Variants in AGAP1 observed in about 807,000 individuals in gnomAD.
The protein encoded by AGAP1 is ArfGAP with GTPase domain, ankyrin repeat and PH domain 1.
Under a neutral mutation model 105.3 loss-of-function variants are expected in AGAP1, and 29 were observed. The observed-to-expected ratio is 0.28, with a 90% CI of 0.21 to 0.38. The LOEUF is 0.38. Among genes scored for constraint, AGAP1 ranks in the 10% least tolerant of loss-of-function variants. The probability of loss-of-function intolerance (pLI) is 1.00; values close to 1 mark genes in which losing one functional copy is unlikely to be tolerated. For synonymous variants in AGAP1, 509 were observed against 485.9 expected (o/e 1.05, Z -0.63); for missense variants, 998 against 1,165.1 (o/e 0.86, Z 2.09).
chr2:235,775,850 T>C (rs901392739), intron 6 of AGAP1: 3 of 151,790 alleles, frequency 2.0e-5, no homozygotes, highest in Admixed American at 6.6e-5. Context: ...ATTTCTGATA[T>C]AAGTTTTCAA....
Position 235,692,393 on chromosome 2 carries a change from A to AGCCTAATCT in AGAP1, c.164-16784_164-16776dup, listed in dbSNP as rs1949776435. On this transcript the variant is annotated intron_variant, in intron 1 of 17. Coordinates refer to ENST00000304032, the MANE Select transcript of AGAP1 (RefSeq NM_001037131.3). This position sits in a 1 kb window ranked among gnomAD's most constrained non-coding sequence, Gnocchi z 5.8. The stretch of plus-strand genomic sequence containing the variant: ...TGCCTGCACTGCCAGGTGCACATCG[A>AGCCTAATCT]GCCTAATCTGGCTTAGGAAACAGGA... 6.6e-6 allele frequency among the ~76,000 whole-genome samples: 1 copy of AGCCTAATCT among 152,066 alleles called. No homozygotes were observed. Among genetic ancestry groups the AGCCTAATCT allele is most frequent in the South Asian group, 2.1e-4 (1 of 4,816 alleles).
At position 235,727,359 on chromosome 2, in the gene AGAP1, T is replaced by C. The variant is rs557811949; in HGVS notation, c.310+9715T>C. On this transcript the variant is annotated intron_variant, in intron 3 of 17. Coordinates refer to ENST00000304032, the MANE Select transcript of AGAP1 (RefSeq NM_001037131.3). ...GTGGGGCTGGGGGGAGGGGGTGTTG[T>C]GCAATGCAGTTCTCTTTCCTAATTC... Among the ~76,000 whole-genome samples, 225 of 152,174 alleles carry C rather than the reference T, an allele frequency of 1.5e-3. 1 individual carries two copies. The highest frequency in any genetic ancestry group is 4.8e-3 in the African/African-American group (198 of 41,512).
chr2:235,567,421 C>T (rs938671618), intron 1 of AGAP1, among the ~76,000 whole-genome samples: 2 of 152,194 alleles, frequency 1.3e-5, no homozygotes, highest in African/African-American at 4.8e-5. Flanking sequence ...AGCTTGAGCA[C>T]CTGCCTGGTC....
intron 1 of AGAP1, among the ~76,000 whole-genome samples, chr2:235,532,242 A>G (rs544628644): frequency 9.2e-5 from 14 of 152,300 alleles, no homozygotes; most frequent in African/African-American, 3.4e-4. Flanking sequence ...TTTCTAAGAC[A>G]AAGTCTCTCT....
intron 1 of AGAP1, chr2:235,670,951 G>A: frequency 7.6e-7 from 1 of 1,317,158 alleles, no homozygotes; most frequent in South Asian, 2.2e-5. Flanking sequence ...GCGGGCCCTC[G>A]CCACGGAGCG....
chr2:235,841,698 T>G (rs1473890594), intron 9 of AGAP1, among the ~76,000 whole-genome samples: 1 of 152,186 alleles, frequency 6.6e-6, no homozygotes, highest in Non-Finnish European at 1.5e-5. Context: ...TGTCAAACAC[T>G]TCGTACATGT....
intron 12 of AGAP1, among the ~76,000 whole-genome samples, chr2:235,943,362 A>ATTTTT (rs562379887): frequency 0.029 from 3,713 of 126,994 alleles, 180 homozygotes; most frequent in African/African-American, 0.067. Flanking sequence ...AAAGGACTTA[A>ATTTTT]TTTTTTTTTT....
chr2:235,993,480 C>A lies in AGAP1; in HGVS notation c.1645+24857C>A, dbSNP rs1317389766. On this transcript the variant is annotated intron_variant, in intron 13 of 17. Transcript: ENST00000304032. The surrounding 1 kb of genome is among the most constrained non-coding windows in gnomAD (Gnocchi z 5.0). ...TTCTCAAAGTGGAAGACAGGGAGCACCTCTGCAGGCCTATAGGGAGGTAGT... is the reference window on the plus strand; with the variant it reads ...TTCTCAAAGTGGAAGACAGGGAGCAACTCTGCAGGCCTATAGGGAGGTAGT... Among the ~76,000 whole-genome samples, 1 of 152,186 alleles carries A rather than the reference C, an allele frequency of 6.6e-6. No homozygotes were observed. The highest frequency in any genetic ancestry group is 1.5e-5 in the Non-Finnish European group (1 of 68,042).
In AGAP1 at chr2:236,089,094, G is replaced by A. The variant is rs1024298838; in HGVS notation, c.2115-31098G>A. ...AGAAAAAGTGGGATGCCACAGTTGC[G>A]GCAGAGAATATCCAAAAGGAAAGGG... On this transcript the variant is annotated intron_variant, in intron 16 of 17. Coordinates refer to ENST00000304032, the MANE Select transcript of AGAP1 (RefSeq NM_001037131.3). The surrounding 1 kb of genome is among the most constrained non-coding windows in gnomAD (Gnocchi z 5.6). Among the ~76,000 whole-genome samples, 11 of 152,274 alleles carry A rather than the reference G, an allele frequency of 7.2e-5. No individual in the cohort carries two copies. The highest frequency in any genetic ancestry group is 3.4e-3 in the Middle Eastern group (1 of 294).
chr2:235,805,721 T>C (rs1257766783), intron 8 of AGAP1, among the ~76,000 whole-genome samples: 1 of 152,188 alleles, frequency 6.6e-6, no homozygotes, highest in African/African-American at 2.4e-5. Flanking sequence ...AATGAGCCCT[T>C]GACAAAGAAT....
At chr2:235,815,350 G>A (rs13410875) in intron 9 of AGAP1, among the ~76,000 whole-genome samples, 1,536 of 152,302 alleles carry the variant, frequency 0.01, 25 homozygotes, top group African/African-American at 0.035. Flanking sequence ...GTGTCCTCCC[G>A]TGGCCTGGAC....
At chr2:235,544,672 C>T (rs1175136778) in intron 1 of AGAP1, among the ~76,000 whole-genome samples, 1 of 152,224 alleles carries the variant, frequency 6.6e-6, no homozygotes, top group Non-Finnish European at 1.5e-5. Context: ...CTGGGTACCC[C>T]TGCTGGATTG....
chr2:235,503,107 C>T (rs1941636142), intron 1 of AGAP1, among the ~76,000 whole-genome samples: 2 of 152,196 alleles, frequency 1.3e-5, no homozygotes, highest in African/African-American at 4.8e-5. Flanking sequence ...TTAAATGTCA[C>T]CTTGGGGGCA....
Position 235,883,974 on chromosome 2 carries a change from A to G in AGAP1, c.1155+525A>G, listed in dbSNP as rs1184169433. On this transcript the variant is annotated intron_variant, in intron 10 of 17. Transcript: ENST00000304032. The surrounding 1 kb of genome is among the most constrained non-coding windows in gnomAD (Gnocchi z 4.5). ...TTTATGTTACATATAAGTTTGTTAT[A>G]TCCGTGGTGTATAAGATAGATGTAT... Among the ~76,000 whole-genome samples, 1 of 152,212 alleles carries G rather than the reference A, an allele frequency of 6.6e-6. No individual in the cohort carries two copies. Among genetic ancestry groups the G allele is most frequent in the African/African-American group, 2.4e-5 (1 of 41,466 alleles).
chr2:236,115,464 G>A (rs1323580830), intron 16 of AGAP1, among the ~76,000 whole-genome samples: 1 of 152,222 alleles, frequency 6.6e-6, no homozygotes, highest in African/African-American at 2.4e-5. Flanking sequence ...CTTAGTGTTG[G>A]TGGGGAGATT....
chr2:236,091,044 G>A (rs1307160603), intron 16 of AGAP1, among the ~76,000 whole-genome samples: 2 of 152,206 alleles, frequency 1.3e-5, no homozygotes, highest in Non-Finnish European at 1.5e-5. Context: ...GGCCGTAATC[G>A]TTCCTGGTAA....
At chr2:236,084,395 G>A (rs1551250) in intron 16 of AGAP1, among the ~76,000 whole-genome samples, 35,068 of 152,034 alleles carry the variant, frequency 0.23, 4,386 homozygotes, top group South Asian at 0.32. Context: ...CCTGACATTC[G>A]TACTCTACTT....
rs559057982 is a variant in AGAP1, at chr2:236,053,127, G to A, written c.2114+3846G>A. 6.6e-6 allele frequency among the ~76,000 whole-genome samples: 1 copy of A among 152,346 alleles called. No individual in the cohort carries two copies. Among genetic ancestry groups the A allele is most frequent in the African/African-American group, 2.4e-5 (1 of 41,588 alleles). On this transcript the variant is annotated intron_variant, in intron 16 of 17. Coordinates refer to ENST00000304032, the MANE Select transcript of AGAP1 (RefSeq NM_001037131.3). The surrounding 1 kb of genome is among the most constrained non-coding windows in gnomAD (Gnocchi z 4.6). ...GGCCACCAGCCAGGCGGGGCTCTGG[G>A]TTCCAGTGTTAGAGGTACATGGTGT...
chr2:235,613,313 C>T (rs528256512), intron 1 of AGAP1, among the ~76,000 whole-genome samples: 24 of 152,286 alleles, frequency 1.6e-4, no homozygotes, highest in African/African-American at 5.5e-4. Context: ...ATATTATTTA[C>T]CTGAGATTTT....
Sources: gnomAD v4.1 joint callset for allele counts (sites outside exome capture counted in the v4.1 genomes callset) on GRCh38, gnomAD v4.1.1 for gene constraint, Gnocchi (gnomAD v3.1) non-coding constraint, MANE v1.5 for transcripts, NCBI Gene and HGNC (gene_info 2026-07-23, HGNC 2026-07-21) for gene names.